The following RTN1 variants were observed in gnomAD, a reference collection of about 807,000 sequenced individuals.
The protein encoded by RTN1 is reticulon 1.
RTN1 carries 25 observed loss-of-function variants against 65.5 expected under a neutral mutation model. The observed-to-expected ratio is 0.38, with a 90% confidence interval of 0.28 to 0.53. The LOEUF (loss-of-function observed/expected upper bound fraction) is 0.53. Among genes scored for constraint, RTN1 ranks in the 20% least tolerant of loss-of-function variants. The pLI, the probability that RTN1 is intolerant of heterozygous loss-of-function variation, is 0.79. For missense variants in RTN1, 983 were observed against 1,025.4 expected, an observed-to-expected ratio of 0.96 and a Z score of 0.57; for synonymous variants, 471 against 447.6, an observed-to-expected ratio of 1.05 and a Z score of -0.66.
intron 1 of RTN1, among the ~76,000 whole-genome samples, chr14:59,844,806 C>G (rs1887376923): frequency 6.6e-6 from 1 of 152,082 alleles, no homozygotes; most frequent in Admixed American, 6.6e-5. Context: ...AATAAATCTT[C>G]CATTGTTTTA....
At chr14:59,623,495 A>C (rs543782248) in intron 3 of RTN1, among the ~76,000 whole-genome samples, 2 of 152,354 alleles carry the variant, frequency 1.3e-5, no homozygotes, top group East Asian at 3.9e-4. Flanking sequence ...GATCAAAGGA[A>C]GAGATGGTCA....
At position 59,790,026 on chromosome 14, in the gene RTN1, C is replaced by G. The variant is rs1190125502; in HGVS notation, c.242-43545G>C. ...TCGAATGAGATAAAAAAGGGAAATG[C>G]CCGAGCTAAAGCAATGAATCAAGGG... On this transcript the variant is annotated intron_variant, in intron 1 of 8. Transcript: ENST00000267484. This position sits in a 1 kb window ranked among gnomAD's most constrained non-coding sequence, Gnocchi z 4.1. Among the ~76,000 whole-genome samples the G allele has an allele frequency of 6.6e-6, 1 of 151,770 alleles. No homozygotes were observed. Among genetic ancestry groups the G allele is most frequent in the African/African-American group, 2.4e-5 (1 of 41,282 alleles).
At chr14:59,673,515 C>T (rs1444349808) in intron 3 of RTN1, among the ~76,000 whole-genome samples, 3 of 152,198 alleles carry the variant, frequency 2.0e-5, no homozygotes, top group African/African-American at 7.2e-5. Context: ...AAGCAAAGCT[C>T]TCAACTGCGA....
intron 1 of RTN1, among the ~76,000 whole-genome samples, chr14:59,802,872 G>A (rs975497260): frequency 6.6e-6 from 1 of 152,050 alleles, no homozygotes; most frequent in African/African-American, 2.4e-5. Context: ...GCCAGGCCAG[G>A]TACCAGCCTT....
chr14:59,602,998 A>G, intron 8 of RTN1, 67 bp downstream of exon 8: 1 of 1,281,646 alleles, frequency 7.8e-7, no homozygotes, highest in Non-Finnish European at 1.1e-6. Flanking sequence ...CATTACCCCT[A>G]TCCTAATCCA....
rs143901059 is a variant in RTN1, at chr14:59,861,173, G to A, written c.241+9217C>T. 2.2e-3 allele frequency among the ~76,000 whole-genome samples: 337 copies of A among 152,232 alleles called. 4 individuals carry two copies. The highest frequency in any genetic ancestry group is 7.6e-3 in the African/African-American group (314 of 41,552). ...CCCAAATTTCATCTTGAATTCCCACGTGTTATGTGAGGAACCCAGCGGGAG... is the reference window on the plus strand; with the variant it reads ...CCCAAATTTCATCTTGAATTCCCACATGTTATGTGAGGAACCCAGCGGGAG... On this transcript the variant is annotated intron_variant, in intron 1 of 8. Coordinates refer to ENST00000267484, the MANE Select transcript of RTN1 (RefSeq NM_021136.3).
intron 1 of RTN1, among the ~76,000 whole-genome samples, chr14:59,754,876 C>A (rs1439513504): frequency 6.6e-6 from 1 of 152,080 alleles, no homozygotes; most frequent in Non-Finnish European, 1.5e-5. Flanking sequence ...GAGTCCAAGG[C>A]CATGCTGTCT....
chr14:59,823,430 A>G (rs531390592), intron 1 of RTN1, among the ~76,000 whole-genome samples: 1 of 152,074 alleles, frequency 6.6e-6, no homozygotes, highest in Non-Finnish European at 1.5e-5. Context: ...TTGTGGTGGT[A>G]GATATCAGTC....
At chr14:59,598,152 G>C (rs1881464659) in intron 8 of RTN1, among the ~76,000 whole-genome samples, 1 of 152,160 alleles carries the variant, frequency 6.6e-6, no homozygotes, top group Non-Finnish European at 1.5e-5. Context: ...GTACCCGAAG[G>C]CAATGCCTGG....
intron 3 of RTN1, among the ~76,000 whole-genome samples, chr14:59,667,259 C>A (rs932493218): frequency 3.3e-5 from 5 of 152,138 alleles, no homozygotes; most frequent in Non-Finnish European, 5.9e-5. Flanking sequence ...AGCTTATCCA[C>A]CACGATCAAG....
At chr14:59,758,005 T>A (rs1441432199) in intron 1 of RTN1, among the ~76,000 whole-genome samples, 1 of 152,174 alleles carries the variant, frequency 6.6e-6, no homozygotes, top group African/African-American at 2.4e-5. Flanking sequence ...ATAGAATATT[T>A]CCACTTCTTC....
chr14:59,824,654 A>T (rs1788691658), intron 1 of RTN1, among the ~76,000 whole-genome samples: 1 of 152,240 alleles, frequency 6.6e-6, no homozygotes, highest in Non-Finnish European at 1.5e-5. Flanking sequence ...CCCATGCTGG[A>T]GCCCTTCACT....
At chr14:59,637,665 T>C (rs571635215) in intron 3 of RTN1, among the ~76,000 whole-genome samples, 1 of 145,892 alleles carries the variant, frequency 6.9e-6, no homozygotes, top group South Asian at 2.2e-4. Flanking sequence ...TGAGCCAAGA[T>C]CGTGCCACTG....
chr14:59,774,928 T>C lies in RTN1; in HGVS notation c.242-28447A>G, dbSNP rs1464885311. 6.6e-6 allele frequency among the ~76,000 whole-genome samples: 1 copy of C among 152,206 alleles called. No homozygotes were observed. The highest frequency in any genetic ancestry group is 1.5e-5 in the Non-Finnish European group (1 of 68,042). ...TCTATAATGCTTGACTGAATTAACA[T>C]TTCAGGGGAAAACTGTTGCAATAAC... On this transcript the variant is annotated intron_variant, in intron 1 of 8. Transcript: ENST00000267484. This position sits in a 1 kb window ranked among gnomAD's most constrained non-coding sequence, Gnocchi z 5.1.
chr14:59,795,629 C>G (rs75376221), intron 1 of RTN1, among the ~76,000 whole-genome samples: 1,897 of 152,192 alleles, frequency 0.012, 37 homozygotes, highest in African/African-American at 0.043. Context: ...AACAAGTTGC[C>G]GGTGCCAAGG....
intron 1 of RTN1, among the ~76,000 whole-genome samples, chr14:59,862,694 T>C (rs1239739824): frequency 6.6e-6 from 1 of 152,074 alleles, no homozygotes; most frequent in Non-Finnish European, 1.5e-5. Flanking sequence ...CAAAAATCAA[T>C]CCAACTAACC....
chr14:59,817,330 T>C (rs1886839560), intron 1 of RTN1, among the ~76,000 whole-genome samples: 1 of 152,170 alleles, frequency 6.6e-6, no homozygotes, highest in Middle Eastern at 3.4e-3. Context: ...AGACGATGCT[T>C]GATAGGGGGA....
chr14:59,856,923 C>G (rs1158513696), intron 1 of RTN1, among the ~76,000 whole-genome samples: 1 of 152,138 alleles, frequency 6.6e-6, no homozygotes, highest in Non-Finnish European at 1.5e-5. Context: ...CAGAACAGTA[C>G]TGTGCTCATG....
chr14:59,726,940 G>T lies in RTN1; in HGVS notation c.1744C>A (p.Leu582Met), dbSNP rs1330482594. The change falls in exon 3 of 9, where the codon CTG becomes ATG. Residue 582 changes from leucine to methionine, a missense_variant. Physicochemically the swap from Leu to Met is conservative, Grantham distance 15 (BLOSUM62 2). Coordinates refer to ENST00000267484, the MANE Select transcript of RTN1 (RefSeq NM_021136.3). ...PLGPGAPPPL[L>M]FLNKQKAIDL... ...TTACCTTTTTGCTTATTGAGAAACA[G>T]CAGTGGGGGCGGGGCGCCAGGACCT... 1 of 1,612,678 alleles carries T rather than the reference G, an allele frequency of 6.2e-7. No individual in the cohort carries two copies. The highest frequency in any genetic ancestry group is 1.3e-5 in the African/African-American group (1 of 74,846).
Sources: gnomAD v4.1 joint callset for allele counts (sites outside exome capture counted in the v4.1 genomes callset) on GRCh38, gnomAD v4.1.1 for gene constraint, Gnocchi (gnomAD v3.1) non-coding constraint, MANE v1.5 for transcripts, NCBI Gene and HGNC (gene_info 2026-07-23, HGNC 2026-07-21) for gene names.